Variants in FREM2 observed in about 807,000 individuals in gnomAD.
The protein encoded by FREM2 is FRAS1 related extracellular matrix 2.
A neutral mutation model predicts 219.9 loss-of-function variants in FREM2; 119 were observed. That is an observed-to-expected ratio of 0.54 (90% confidence interval 0.47 to 0.63). The LOEUF is 0.63. Among genes scored for constraint, FREM2 ranks in the 30% least tolerant of loss-of-function variants. The pLI is 0.00. For missense variants in FREM2, 4,030 were observed against 3,993.6 expected (o/e 1.01, Z -0.25); for synonymous variants, 1,562 against 1,522.8 (o/e 1.03, Z -0.60).
chr13:38,728,855 G>A (rs1871645572), intron 2 of FREM2, among the ~76,000 whole-genome samples: 1 of 151,544 alleles, frequency 6.6e-6, no homozygotes, highest in Non-Finnish European at 1.5e-5. Context: ...TTTATTTTGA[G>A]ATGGAGTTTC....
At chr13:38,774,248 G>A (rs936792105) in intron 4 of FREM2, among the ~76,000 whole-genome samples, 1 of 151,946 alleles carries the variant, frequency 6.6e-6, no homozygotes, top group African/African-American at 2.4e-5. Flanking sequence ...TATTATATAG[G>A]TGAATAAAAC....
intron 6 of FREM2, among the ~76,000 whole-genome samples, chr13:38,793,920 G>A (rs1293208355): frequency 1.3e-5 from 2 of 152,146 alleles, no homozygotes; most frequent in East Asian, 3.9e-4. Flanking sequence ...GAGATGGGGA[G>A]AATAAAGGTA....
intron 2 of FREM2, among the ~76,000 whole-genome samples, chr13:38,758,848 C>T (rs773396513): frequency 6.6e-6 from 1 of 152,170 alleles, no homozygotes; most frequent in African/African-American, 2.4e-5. Context: ...TCTAAGAGAA[C>T]AAGACTTCTT....
chr13:38,751,142 A>G (rs542144172), intron 2 of FREM2, among the ~76,000 whole-genome samples: 2 of 150,208 alleles, frequency 1.3e-5, no homozygotes, highest in South Asian at 4.2e-4. Context: ...CTGATTTAAT[A>G]TTCTTTGAAT....
intron 2 of FREM2, among the ~76,000 whole-genome samples, chr13:38,711,756 A>G (rs976257814): frequency 4.6e-4 from 70 of 152,142 alleles, no homozygotes; most frequent in South Asian, 1.0e-3. Context: ...AATTTTTTCT[A>G]TGGAAAAACT....
intron 3 of FREM2, among the ~76,000 whole-genome samples, chr13:38,766,937 A>C (rs1166128629): frequency 6.6e-6 from 1 of 152,216 alleles, no homozygotes; most frequent in East Asian, 1.9e-4. Flanking sequence ...ATGAAGAAAC[A>C]ATGATAGCTA....
chr13:38,880,466 G>A lies in FREM2; in HGVS notation c.9189G>A (p.Trp3063Ter). The A allele has an allele frequency of 6.2e-7, 1 of 1,614,038 alleles. No individual in the cohort carries two copies. The highest frequency in any genetic ancestry group is 8.5e-7 in the Non-Finnish European group (1 of 1,180,014). ...TCAGGAGCACACCCTCACTGGCATG[G>A]GAGATTGGTGCTGAAAACAGTCGAG... ...REIRSTPSLAWEIGAENSRGT... is the reference protein window; with the variant it reads ...REIRSTPSLA Residue 3063 changes from tryptophan (W) to a stop codon, truncating the protein, a stop_gained, in exon 24 of 24, where the codon TGG becomes TGA. Coordinates refer to ENST00000280481, the MANE Select transcript of FREM2 (RefSeq NM_207361.6). LOFTEE classifies it low-confidence loss of function (END_TRUNC).
chr13:38,856,383 A>G, intron 12 of FREM2, 127 bp downstream of exon 12: 1 of 824,738 alleles, frequency 1.2e-6, no homozygotes, highest in East Asian at 2.7e-5. Context: ...AGAGATATGC[A>G]TAATCTCTTT....
chr13:38,879,114 G>T (rs986545099), intron 23 of FREM2, 137 bp downstream of exon 23: 5 of 881,286 alleles, frequency 5.7e-6, no homozygotes, highest in South Asian at 1.4e-5. Context: ...CATTGAATAA[G>T]ATATGGCAAA....
chr13:38,802,692 C>T (rs1875064749), intron 6 of FREM2, among the ~76,000 whole-genome samples: 1 of 152,184 alleles, frequency 6.6e-6, no homozygotes, highest in African/African-American at 2.4e-5. Context: ...GGGTTTGATT[C>T]TCAGAATGGC....
chr13:38,796,609 T>TAATG lies in FREM2; in HGVS notation c.6019+11802_6019+11805dup, dbSNP rs566228978. ...TGTCCATATTTCAGTTCTGTGAATATAATGCACTTGATTGCTTGTGAATTC... is the reference window on the plus strand; with the variant it reads ...TGTCCATATTTCAGTTCTGTGAATATAATGAATGCACTTGATTGCTTGTGAATTC... On this transcript the variant is annotated intron_variant, in intron 6 of 23. Transcript: ENST00000280481. Among the ~76,000 whole-genome samples, 827 of 152,296 alleles carry TAATG rather than the reference T, an allele frequency of 5.4e-3. 6 individuals carry two copies. The highest frequency in any genetic ancestry group is 0.025 in the South Asian group (119 of 4,826).
At chr13:38,737,449 A>G (rs1365106875) in intron 2 of FREM2, among the ~76,000 whole-genome samples, 3 of 152,228 alleles carry the variant, frequency 2.0e-5, no homozygotes, top group African/African-American at 7.2e-5. Flanking sequence ...TTTGCTAGAG[A>G]TTATCCACCA....
At chr13:38,848,395 T>G in intron 7 of FREM2, 66 bp from the exon 8 acceptor site, 1 of 1,069,290 alleles carries the variant, frequency 9.4e-7, no homozygotes, top group Non-Finnish European at 1.5e-6. Context: ...ATTACATAAT[T>G]TATGTCTTAT....
At chr13:38,725,496 A>G (rs778292519) in intron 2 of FREM2, among the ~76,000 whole-genome samples, 1 of 152,238 alleles carries the variant, frequency 6.6e-6, no homozygotes, top group African/African-American at 2.4e-5. Context: ...AGCCCTGATG[A>G]GTGAAAAAAG....
intron 21 of FREM2, among the ~76,000 whole-genome samples, chr13:38,877,904 A>G (rs545873042): frequency 6.6e-6 from 1 of 152,326 alleles, no homozygotes; most frequent in Admixed American, 6.5e-5. Flanking sequence ...TGAGCATCTG[A>G]GACTCAATAA....
chr13:38,690,177 C>T lies in FREM2; in HGVS notation c.2833C>T (p.His945Tyr). 6.2e-7 allele frequency: 1 copy of T among 1,614,092 alleles called. No individual in the cohort carries two copies. The highest frequency in any genetic ancestry group is 8.5e-7 in the Non-Finnish European group (1 of 1,179,976). The change falls in exon 1 of 24, where the codon CAT becomes TAT. Residue 945 changes from histidine (H) to tyrosine (Y), a missense_variant. By Grantham distance (83) the His-to-Tyr change is moderately conservative. This residue lies in a region of FREM2 where 3,102 missense variants were observed against 2,950.7 expected (regional missense o/e 1.05). Coordinates refer to ENST00000280481, the MANE Select transcript of FREM2 (RefSeq NM_207361.6). ...GGATGATGAAGTGCCCATACTGAGC[C>T]ATCCTACTGGCACTCTGGAGTCCTA... ...PVDDEVPILS[H>Y]PTGTLESYLD...
chr13:38,750,423 C>G (rs1370986791), intron 2 of FREM2, among the ~76,000 whole-genome samples: 1 of 149,088 alleles, frequency 6.7e-6, no homozygotes, highest in Non-Finnish European at 1.5e-5. Context: ...ATAACGACTT[C>G]CAGTACCAAC....
rs1050876658 is a variant in FREM2, at chr13:38,878,551, A to G, written c.8859+230A>G. On this transcript the variant is annotated intron_variant, in intron 22 of 23. Coordinates refer to ENST00000280481, the MANE Select transcript of FREM2 (RefSeq NM_207361.6). Reference sequence around the variant, plus strand: ...AAAAATTAGCCGAGCATCGTGGCACATGCCTGGAGTCCCAGCTACTTGGGA... The same window carrying G: ...AAAAATTAGCCGAGCATCGTGGCACGTGCCTGGAGTCCCAGCTACTTGGGA... 2.6e-5 allele frequency among the ~76,000 whole-genome samples: 4 copies of G among 151,318 alleles called. No individual in the cohort carries two copies. In the East Asian group the frequency reaches 5.9e-4, roughly 22 times the overall value.
In FREM2 at chr13:38,826,520, C is replaced by T. The variant is rs557314687; in HGVS notation, c.6020-20053C>T. On this transcript the variant is annotated intron_variant, in intron 6 of 23. Coordinates refer to ENST00000280481, the MANE Select transcript of FREM2 (RefSeq NM_207361.6). Reference sequence around the variant, plus strand: ...CATTCCTTCCAACTTGAAATGGAGTCGCTTTTGCTGTTTACTCTGGAGTCC... The same window carrying T: ...CATTCCTTCCAACTTGAAATGGAGTTGCTTTTGCTGTTTACTCTGGAGTCC... 5.9e-5 allele frequency among the ~76,000 whole-genome samples: 9 copies of T among 152,170 alleles called. No homozygotes were observed. The South Asian group carries it at 6.2e-4, about 11-fold the overall frequency.
Sources: gnomAD v4.1 joint callset for allele counts (sites outside exome capture counted in the v4.1 genomes callset) on GRCh38, gnomAD v4.1.1 for gene constraint, gnomAD v4.1.1 regional missense constraint, MANE v1.5 for transcripts, NCBI Gene and HGNC (gene_info 2026-07-23, HGNC 2026-07-21) for gene names.